Variants in ATP6V0A2 observed in about 807,000 individuals in gnomAD.
The protein encoded by ATP6V0A2 is V-type proton ATPase 116 kDa subunit a 2.
A neutral mutation model predicts 104.4 loss-of-function variants in ATP6V0A2; 58 were observed. The observed-to-expected ratio is 0.56, with a 90% CI of 0.45 to 0.69. The LOEUF is 0.69. ATP6V0A2 is among the 30% of genes least tolerant of loss of function. The probability of loss-of-function intolerance (pLI) is 0.00; values close to 1 mark genes in which losing one functional copy is unlikely to be tolerated. For synonymous variants in ATP6V0A2, 376 were observed against 397.9 expected (o/e 0.95, Z 0.65); for missense variants, 938 against 1,062.9 (o/e 0.88, Z 1.63).
Position 123,758,050 on chromosome 12 carries a change from A to T in ATP6V0A2, c.*18A>T. 1 of 1,511,178 alleles carries T rather than the reference A, an allele frequency of 6.6e-7. No homozygotes were observed. The highest frequency in any genetic ancestry group is 9.2e-7 in the Non-Finnish European group (1 of 1,086,534). The allele number at this position is 1,511,178 out of a possible 1,614,324, so 93.6% of individuals were successfully genotyped here. On this transcript the variant is annotated 3_prime_UTR_variant, in exon 20 of 20. Transcript: ENST00000330342. The stretch of plus-strand genomic sequence containing the variant: ...TGGCATGATCATATTGCTGTAACCA[A>T]CAAGCTTTCAGATTTATGGAGAATG...
At chr12:123,735,442 C>T (rs1043546821) in intron 7 of ATP6V0A2, 89 bp from the exon 8 acceptor site, 36 of 1,266,238 alleles carry the variant, frequency 2.8e-5, no homozygotes, top group Non-Finnish European at 4.0e-5. Context: ...TGCTTTCATT[C>T]CGTTTTGCCA....
rs1186132197 is a variant in ATP6V0A2, at chr12:123,748,747, T to A, written c.1897T>A (p.Phe633Ile). 4 of 1,614,210 alleles carry A rather than the reference T, an allele frequency of 2.5e-6. No individual in the cohort carries two copies. The highest frequency in any genetic ancestry group is 1.6e-4 in the Middle Eastern group (1 of 6,062). Residue 633 changes from phenylalanine to isoleucine, a missense_variant, in exon 15 of 20, where the codon TTC becomes ATC. By Grantham distance (21) the Phe-to-Ile change is conservative. Transcript: ENST00000330342. ...ILIEFINMFL[F>I]PASKTSGLYT... ...GATTGAATTTATTAACATGTTTTTATTCCCAGCCAGTAAAACAAGTGGCCT... is the reference window on the plus strand; with the variant it reads ...GATTGAATTTATTAACATGTTTTTAATCCCAGCCAGTAAAACAAGTGGCCT...
chr12:123,744,830 C>G lies in ATP6V0A2; in HGVS notation c.1514+46C>G. 1 of 1,614,102 alleles carries G rather than the reference C, an allele frequency of 6.2e-7. No homozygotes were observed. Among genetic ancestry groups the G allele is most frequent in the Non-Finnish European group, 8.5e-7 (1 of 1,179,964 alleles). Reference sequence around the variant, plus strand: ...GATGCTCTGGGTGGAAAGCATGTTTCCTAGACCTTCCTCCTCCCAGGTCAG... The same window carrying G: ...GATGCTCTGGGTGGAAAGCATGTTTGCTAGACCTTCCTCCTCCCAGGTCAG... On this transcript the variant is annotated intron_variant, in intron 12 of 19. Transcript: ENST00000330342. This position sits in a 1 kb window ranked among gnomAD's most constrained non-coding sequence, Gnocchi z 5.4.
chr12:123,752,549 T>G, intron 17 of ATP6V0A2, 147 bp downstream of exon 17: 85 of 884,868 alleles, frequency 9.6e-5, no homozygotes, highest in Middle Eastern at 3.7e-4. Context: ...AACCAGCGCT[T>G]TCCAAATGCT....
chr12:123,760,398 GT>G lies in ATP6V0A2; in HGVS notation c.*2369del, dbSNP rs1458595776. On this transcript the variant is annotated 3_prime_UTR_variant, in exon 20 of 20. Coordinates refer to ENST00000330342, the MANE Select transcript of ATP6V0A2 (RefSeq NM_012463.4). ...TGTCTTATAGGGGCCACGGGAATTT[GT>G]TTCTCTATAAAGCGATGGGCTCCAG... 6.6e-6 allele frequency: 1 copy of G among 152,170 alleles called. No individual in the cohort carries two copies. Among genetic ancestry groups the G allele is most frequent in the East Asian group, 1.9e-4 (1 of 5,198 alleles). The allele number at this position is 152,170 out of a possible 1,614,324, so 9.4% of individuals were successfully genotyped here.
chr12:123,747,476 A>G (rs1956673154), intron 13 of ATP6V0A2, 131 bp from the exon 14 acceptor site: 5 of 744,544 alleles, frequency 6.7e-6, no homozygotes, highest in Non-Finnish European at 1.2e-5. Context: ...GAAAGCATCA[A>G]AAGAAAAGCC....
intron 19 of ATP6V0A2, among the ~76,000 whole-genome samples, chr12:123,757,495 G>A (rs907119200): frequency 1.3e-5 from 2 of 152,144 alleles, no homozygotes; most frequent in Non-Finnish European, 2.9e-5. Context: ...GTAAAAGTAA[G>A]TTTAAGTTTG....
At chr12:123,738,751 C>T (rs1395258305) in intron 9 of ATP6V0A2, among the ~76,000 whole-genome samples, 1 of 152,246 alleles carries the variant, frequency 6.6e-6, no homozygotes, top group East Asian at 1.9e-4. Flanking sequence ...ACATTAAACT[C>T]AGATTTTGGT....
At chr12:123,750,298 T>G (rs1391337107) in intron 15 of ATP6V0A2, 7 of 152,460 alleles carry the variant, frequency 4.6e-5, no homozygotes, top group Admixed American at 4.6e-4. Context: ...TCCTGGTCAC[T>G]CAGCGGTCTG....
rs1956783221 is a variant in ATP6V0A2, at chr12:123,758,247, G to A, written c.*215G>A. On this transcript the variant is annotated 3_prime_UTR_variant, in exon 20 of 20. Coordinates refer to ENST00000330342, the MANE Select transcript of ATP6V0A2 (RefSeq NM_012463.4). ...ATAAAAATTTCTTTTGGTTTTTTATGATGAGCAAATATAAGTTAATGCCAA... is the reference window on the plus strand; with the variant it reads ...ATAAAAATTTCTTTTGGTTTTTTATAATGAGCAAATATAAGTTAATGCCAA... 2.2e-6 allele frequency: 1 copy of A among 447,790 alleles called. No individual in the cohort carries two copies. The highest frequency in any genetic ancestry group is 3.9e-6 in the Non-Finnish European group (1 of 254,310). The allele number at this position is 447,790 out of a possible 1,614,324, so 27.7% of individuals were successfully genotyped here. A position where few individuals can be genotyped will look rare whatever the true frequency, so the allele number is the denominator to read the frequency against.
intron 9 of ATP6V0A2, among the ~76,000 whole-genome samples, chr12:123,740,962 A>G (rs756268797): frequency 2.0e-5 from 3 of 149,794 alleles, no homozygotes; most frequent in Non-Finnish European, 4.4e-5. Context: ...TTTTTTTTTA[A>G]TTCTTTTAAC....
At chr12:123,726,121 T>C in intron 4 of ATP6V0A2, 76 bp from the exon 5 acceptor site, 4 of 1,195,262 alleles carry the variant, frequency 3.3e-6, no homozygotes, top group Non-Finnish European at 5.0e-6. Flanking sequence ...CCCTATAAAC[T>C]TGTTTGAAAA....
intron 9 of ATP6V0A2, 127 bp from the exon 10 acceptor site, chr12:123,743,658 A>AAAAC (rs1353870853): frequency 1.2e-5 from 14 of 1,156,386 alleles, no homozygotes; most frequent in South Asian, 3.9e-5. Flanking sequence ...CGTCTCAAAA[A>AAAAC]AAAACAAAAC....
chr12:123,735,457 A>T, intron 7 of ATP6V0A2, 74 bp from the exon 8 acceptor site: 1 of 1,384,536 alleles, frequency 7.2e-7, no homozygotes, highest in Non-Finnish European at 1.0e-6. Flanking sequence ...TTGCCAGAAG[A>T]TGTGCCGGGG....
intron 19 of ATP6V0A2, among the ~76,000 whole-genome samples, chr12:123,757,626 A>G (rs192139782): frequency 1.2e-3 from 183 of 151,828 alleles, no homozygotes; most frequent in Middle Eastern, 3.4e-3. Flanking sequence ...AGGTCAGATT[A>G]CTGCTCTGTG....
At chr12:123,719,870 C>T (rs1217822392) in intron 2 of ATP6V0A2, among the ~76,000 whole-genome samples, 3 of 152,112 alleles carry the variant, frequency 2.0e-5, no homozygotes, top group Admixed American at 6.6e-5. Flanking sequence ...CCTGTAAGTT[C>T]CTTCATTTAG....
Position 123,744,706 on chromosome 12 carries a change from T to G in ATP6V0A2, c.1436T>G (p.Phe479Cys). 6.2e-7 allele frequency: 1 copy of G among 1,614,194 alleles called. No homozygotes were observed. Among genetic ancestry groups the G allele is most frequent in the Non-Finnish European group, 8.5e-7 (1 of 1,180,036 alleles). Reference protein sequence around the residue: ...NDCFSKSVNLFGSGWNVSAMY... With the variant: ...NDCFSKSVNLCGSGWNVSAMY... The stretch of plus-strand genomic sequence containing the variant: ...TGCTTTTCAAAGTCAGTCAACCTGT[T>G]CGGCTCTGGGTGGAACGTGTCGGCC... The change falls in exon 12 of 20, where the codon TTC becomes TGC. Residue 479 changes from phenylalanine (F) to cysteine (C), a missense_variant. Physicochemically the swap from Phe to Cys is radical, Grantham distance 205 (BLOSUM62 -2). Coordinates refer to ENST00000330342, the MANE Select transcript of ATP6V0A2 (RefSeq NM_012463.4). This position sits in a 1 kb window ranked among gnomAD's most constrained non-coding sequence, Gnocchi z 5.4.
chr12:123,744,475 G>A lies in ATP6V0A2; in HGVS notation c.1327-122G>A. ...TGTGGCCTGTCAGCTGCGGCTGACA[G>A]GGATGTCTGCGGGGCGAGGCTGTTT... On this transcript the variant is annotated intron_variant, in intron 11 of 19. Transcript: ENST00000330342. The surrounding 1 kb of genome is among the most constrained non-coding windows in gnomAD (Gnocchi z 5.4). 1.3e-6 allele frequency: 2 copies of A among 1,555,908 alleles called. No homozygotes were observed. Among genetic ancestry groups the A allele is most frequent in the Non-Finnish European group, 1.8e-6 (2 of 1,132,656 alleles).
At chr12:123,752,219 A>G in intron 16 of ATP6V0A2, 64 bp from the exon 17 acceptor site, 3 of 1,604,968 alleles carry the variant, frequency 1.9e-6, no homozygotes, top group Admixed American at 1.7e-5. Context: ...AAACTATACA[A>G]GTTTGGTTTT....
Sources: allele counts gnomAD v4.1 joint callset (sites outside exome capture counted in the v4.1 genomes callset), GRCh38; gene constraint gnomAD v4.1.1; non-coding constraint Gnocchi (gnomAD v3.1); transcripts MANE v1.5; gene names NCBI Gene and HGNC (gene_info 2026-07-23, HGNC 2026-07-21).